CELF4: variants seen among roughly 807,000 people sequenced by gnomAD.
The protein encoded by CELF4 is CUG-BP- and ETR-3-like factor 4.
CELF4 carries 18 observed loss-of-function variants against 59.9 expected under a neutral mutation model. The ratio of observed to expected loss-of-function variants is 0.30; its 90% CI spans 0.21 to 0.45. The LOEUF is 0.45. Ranked by LOEUF, CELF4 falls within the 20% of genes least tolerant of loss-of-function variation. The pLI, the probability that CELF4 is intolerant of heterozygous loss-of-function variation, is 1.00. For missense variants in CELF4, 456 were observed against 689.0 expected, an observed-to-expected ratio of 0.66 and a Z score of 3.79; for synonymous variants, 261 against 267.1, an observed-to-expected ratio of 0.98 and a Z score of 0.22.
At chr18:37,353,671 G>C (rs1295448855) in intron 2 of CELF4, among the ~76,000 whole-genome samples, 1 of 149,456 alleles carries the variant, frequency 6.7e-6, no homozygotes, top group African/African-American at 2.5e-5. Context: ...CTGGGGATGA[G>C]GGGGAATGAT....
chr18:37,286,303 G>A (rs2154400460), intron 3 of CELF4, among the ~76,000 whole-genome samples: 1 of 152,376 alleles, frequency 6.6e-6, no homozygotes, highest in South Asian at 2.1e-4. Flanking sequence ...GGGCTCGTTA[G>A]CTGGGCGCAG....
chr18:37,270,977 G>C, intron 7 of CELF4, 60 bp from the exon 8 acceptor site: 1 of 1,427,556 alleles, frequency 7.0e-7, no homozygotes. Flanking sequence ...CAAAGGTGAG[G>C]AAGGCCCACC....
chr18:37,480,020 C>T (rs2099861960), intron 2 of CELF4, among the ~76,000 whole-genome samples: 1 of 152,318 alleles, frequency 6.6e-6, no homozygotes, highest in African/African-American at 2.4e-5. Context: ...CTGATTCTCC[C>T]TCACAGCCCT....
At chr18:37,456,734 G>A (rs28378330) in intron 2 of CELF4, among the ~76,000 whole-genome samples, 12,067 of 152,198 alleles carry the variant, frequency 0.079, 537 homozygotes, top group East Asian at 0.14. Flanking sequence ...GTACCCTCCT[G>A]CGGATGCTCA....
chr18:37,278,557 G>A (rs2093702923), intron 3 of CELF4, among the ~76,000 whole-genome samples: 1 of 152,220 alleles, frequency 6.6e-6, no homozygotes, highest in Non-Finnish European at 1.5e-5. Flanking sequence ...CTATGAAATG[G>A]GTATGATTAG....
At chr18:37,459,649 T>C (rs368252847) in intron 2 of CELF4, among the ~76,000 whole-genome samples, 1 of 152,128 alleles carries the variant, frequency 6.6e-6, no homozygotes, top group Non-Finnish European at 1.5e-5. Flanking sequence ...CTGTGGGCCA[T>C]GTGACCTTGG....
chr18:37,540,774 C>A (rs141210111), intron 1 of CELF4, among the ~76,000 whole-genome samples: 101 of 152,294 alleles, frequency 6.6e-4, no homozygotes, highest in African/African-American at 2.4e-3. Flanking sequence ...GAAGCTACAG[C>A]ATGAGGGATT....
At chr18:37,342,232 T>C (rs1159374266) in intron 2 of CELF4, among the ~76,000 whole-genome samples, 1 of 79,898 alleles carries the variant, frequency 1.3e-5, no homozygotes, top group Non-Finnish European at 2.5e-5. Flanking sequence ...TAACAGCACA[T>C]GCACACACAC....
At chr18:37,403,331 G>A (rs2099351320) in intron 2 of CELF4, among the ~76,000 whole-genome samples, 1 of 152,152 alleles carries the variant, frequency 6.6e-6, no homozygotes, top group Non-Finnish European at 1.5e-5. Flanking sequence ...CGCTTCAAAG[G>A]GAGCCTGGGA....
chr18:37,270,600 G>T (rs148093715), intron 8 of CELF4, among the ~76,000 whole-genome samples, 168 bp downstream of exon 8: 3 of 152,090 alleles, frequency 2.0e-5, no homozygotes, highest in Non-Finnish European at 4.4e-5. Context: ...TTTCCATCAC[G>T]GGCTCCCTGA....
At chr18:37,443,869 C>A (rs576910497) in intron 2 of CELF4, among the ~76,000 whole-genome samples, 38 of 152,166 alleles carry the variant, frequency 2.5e-4, no homozygotes, top group Admixed American at 1.3e-3. Flanking sequence ...GATGTCAATT[C>A]AACAAATATT....
At chr18:37,310,964 G>T (rs2096625698) in intron 3 of CELF4, among the ~76,000 whole-genome samples, 1 of 152,124 alleles carries the variant, frequency 6.6e-6, no homozygotes, top group Non-Finnish European at 1.5e-5. Context: ...AGAAGGCCGT[G>T]GTGCCTTCTC....
At chr18:37,351,058 AT>A (rs1569567320) in intron 2 of CELF4, among the ~76,000 whole-genome samples, 1 of 152,122 alleles carries the variant, frequency 6.6e-6, no homozygotes, top group East Asian at 1.9e-4. Flanking sequence ...TGGCCAGGTA[AT>A]TAGTATAGCT....
chr18:37,459,122 C>T (rs2099786658), intron 2 of CELF4, among the ~76,000 whole-genome samples: 1 of 152,210 alleles, frequency 6.6e-6, no homozygotes, highest in Admixed American at 6.5e-5. Context: ...GATTCTACCT[C>T]CTATGCCTGG....
intron 2 of CELF4, among the ~76,000 whole-genome samples, chr18:37,338,794 G>GTGT (rs1557282748): frequency 1.9e-5 from 2 of 103,692 alleles, no homozygotes; most frequent in Non-Finnish European, 2.3e-5. Flanking sequence ...GTGTGTGTGT[G>GTGT]GTGTGTGTGA....
intron 2 of CELF4, among the ~76,000 whole-genome samples, chr18:37,455,428 C>A (rs1277197015): frequency 6.6e-6 from 1 of 152,224 alleles, no homozygotes; most frequent in Admixed American, 6.5e-5. Context: ...CACTTCCCAC[C>A]AAGGGTGTCA....
intron 2 of CELF4, among the ~76,000 whole-genome samples, chr18:37,331,098 G>A (rs746348675): frequency 6.6e-6 from 1 of 152,182 alleles, no homozygotes; most frequent in South Asian, 2.1e-4. Flanking sequence ...ATACCGGCAC[G>A]TAGGCCCTGT....
At chr18:37,389,068 T>G (rs2099129720) in intron 2 of CELF4, among the ~76,000 whole-genome samples, 1 of 152,104 alleles carries the variant, frequency 6.6e-6, no homozygotes, top group Admixed American at 6.5e-5. Flanking sequence ...CCCAAGTTCC[T>G]GATGGTTGGC....
At chr18:37,545,926 A>G (rs1426014291) in intron 1 of CELF4, among the ~76,000 whole-genome samples, 1 of 152,188 alleles carries the variant, frequency 6.6e-6, no homozygotes, top group Non-Finnish European at 1.5e-5. Context: ...GAAAGTGGCG[A>G]GGTCTCTGGA....
Sources: gnomAD v4.1 joint callset for allele counts (sites outside exome capture counted in the v4.1 genomes callset) on GRCh38, gnomAD v4.1.1 for gene constraint, MANE v1.5 for transcripts, NCBI Gene and HGNC (gene_info 2026-07-23, HGNC 2026-07-21) for gene names.